PHF21A: variants seen among roughly 807,000 people sequenced by gnomAD.
PHF21A encodes PHD finger protein 21A, also known as BHC80a.
In PHF21A, 11 loss-of-function variants were observed where a neutral mutation model predicts 82.5. That is an observed-to-expected ratio of 0.13 (90% CI 0.08 to 0.22). PHF21A has a LOEUF of 0.22. PHF21A is among the 10% of genes least tolerant of loss of function. PHF21A has a pLI of 1.00. For missense variants in PHF21A, 579 were observed against 837.8 expected (o/e 0.69, Z 3.81); for synonymous variants, 297 against 302.8 (o/e 0.98, Z 0.20).
At chr11:46,048,456 T>A (rs1400915228) in intron 6 of PHF21A, among the ~76,000 whole-genome samples, 3 of 152,178 alleles carry the variant, frequency 2.0e-5, no homozygotes, top group Non-Finnish European at 4.4e-5. Flanking sequence ...TGAATAATGC[T>A]ATGAACATCC....
chr11:45,975,322 C>CAAAATAAAATAAAATAAAATAAAAT (rs58576083), intron 7 of PHF21A, among the ~76,000 whole-genome samples: 5 of 112,092 alleles, frequency 4.5e-5, no homozygotes, highest in African/African-American at 1.6e-4. Context: ...TCAAAGAAAA[C>CAAAATAAAATAAAATAAAATAAAAT]AAAATAAAAT....
At chr11:45,941,562 G>C (rs896009806) in intron 15 of PHF21A, among the ~76,000 whole-genome samples, 1 of 151,916 alleles carries the variant, frequency 6.6e-6, no homozygotes, top group South Asian at 2.1e-4. Flanking sequence ...AAAGAGTCTC[G>C]GGGACTCCCA....
chr11:46,091,828 T>C (rs1333790839), intron 2 of PHF21A, among the ~76,000 whole-genome samples: 9 of 14,302 alleles, frequency 6.3e-4, no homozygotes, highest in Admixed American at 1.9e-3. Flanking sequence ...ACTGGAGCTA[T>C]AGGCACACAC....
chr11:45,952,514 A>G (rs920808830), intron 11 of PHF21A, among the ~76,000 whole-genome samples: 1 of 152,238 alleles, frequency 6.6e-6, no homozygotes, highest in Admixed American at 6.5e-5. Flanking sequence ...TTCTCAGAGC[A>G]TAATACTTGT....
At chr11:46,097,832 C>T (rs1378368297) in intron 1 of PHF21A, among the ~76,000 whole-genome samples, 1 of 152,160 alleles carries the variant, frequency 6.6e-6, no homozygotes, top group Non-Finnish European at 1.5e-5. Context: ...CTAGAACACA[C>T]ACACACACAT....
chr11:46,102,240 C>T (rs2097105594), intron 1 of PHF21A, among the ~76,000 whole-genome samples: 1 of 152,230 alleles, frequency 6.6e-6, no homozygotes, highest in South Asian at 2.1e-4. Flanking sequence ...TGAGCCACTA[C>T]ACCTAACCAG....
At chr11:46,054,377 C>T (rs904411628) in intron 6 of PHF21A, among the ~76,000 whole-genome samples, 32 of 152,226 alleles carry the variant, frequency 2.1e-4, no homozygotes, top group African/African-American at 7.2e-4. Flanking sequence ...AATAAAAATG[C>T]TATGTCAAAT....
chr11:45,974,935 G>T (rs1416967741), intron 7 of PHF21A, among the ~76,000 whole-genome samples: 1 of 152,128 alleles, frequency 6.6e-6, no homozygotes, highest in Non-Finnish European at 1.5e-5. Context: ...GGCAAATACT[G>T]CCAATAGCAA....
chr11:46,014,755 C>T lies in PHF21A; in HGVS notation c.154-34789G>A, dbSNP rs1483119051. ...CAGCACTTTGGGAGGCCGAGGCGGG[C>T]GGATCACGAGGTCAGGAGATCGAGA... On this transcript the variant is annotated intron_variant, in intron 6 of 18. Coordinates refer to ENST00000676320, the MANE Select transcript of PHF21A (RefSeq NM_001352027.3). Among the ~76,000 whole-genome samples the T allele has an allele frequency of 6.2e-5, 3 of 48,072 alleles. 1 individual carries two copies. Among genetic ancestry groups the T allele is most frequent in the Non-Finnish European group, 9.9e-5 (3 of 30,198 alleles). The allele number at this position is 48,072 out of a possible 152,430, so 31.5% of individuals were successfully genotyped here.
chr11:45,964,569 C>A (rs1276556735), intron 10 of PHF21A, among the ~76,000 whole-genome samples: 1 of 152,164 alleles, frequency 6.6e-6, no homozygotes, highest in Non-Finnish European at 1.5e-5. Flanking sequence ...CTTTTTAAAG[C>A]AACTTTCTTG....
At chr11:46,036,650 T>C (rs2096010069) in intron 6 of PHF21A, among the ~76,000 whole-genome samples, 1 of 152,138 alleles carries the variant, frequency 6.6e-6, no homozygotes, top group African/African-American at 2.4e-5. Context: ...TTTTAAAAGG[T>C]TTCTTGCTTT....
chr11:46,120,059 CAGA>C lies in PHF21A; in HGVS notation c.-237+873_-237+875del, dbSNP rs1430776963. Among the ~76,000 whole-genome samples the C allele has an allele frequency of 4.7e-5, 7 of 149,298 alleles. No individual in the cohort carries two copies. In the South Asian group the frequency reaches 6.3e-4, roughly 13 times the overall value. On this transcript the variant is annotated intron_variant, in intron 1 of 18. Coordinates refer to ENST00000676320, the MANE Select transcript of PHF21A (RefSeq NM_001352027.3). ...GCAGACTCTCCGGAATAACAAGTTGCAGAAGAAGAAGAATAAGCGGAATTTCCC... is the reference window on the plus strand; with the variant it reads ...GCAGACTCTCCGGAATAACAAGTTGCAGAAGAAGAATAAGCGGAATTTCCC...
At chr11:46,016,762 G>A (rs768002546) in intron 6 of PHF21A, among the ~76,000 whole-genome samples, 9 of 151,746 alleles carry the variant, frequency 5.9e-5, no homozygotes, top group Non-Finnish European at 1.0e-4. Flanking sequence ...CTGGAGCTTG[G>A]CAGCCCTCAG....
At chr11:45,972,759 C>A (rs1054805060) in intron 7 of PHF21A, among the ~76,000 whole-genome samples, 1 of 152,156 alleles carries the variant, frequency 6.6e-6, no homozygotes, top group African/African-American at 2.4e-5. Context: ...ACTAAAAATA[C>A]AAAAATCAGC....
chr11:46,059,088 A>C (rs901700017), intron 6 of PHF21A, among the ~76,000 whole-genome samples: 5 of 152,214 alleles, frequency 3.3e-5, no homozygotes, highest in Non-Finnish European at 7.3e-5. Flanking sequence ...ATACATACCA[A>C]AGAAAGTTAT....
In PHF21A at chr11:46,078,060, C is replaced by T. The variant is rs141886876; in HGVS notation, c.87+1074G>A. Among the ~76,000 whole-genome samples, 1,121 of 152,040 alleles carry T rather than the reference C, an allele frequency of 7.4e-3. 11 individuals are homozygous for T. Among genetic ancestry groups the T allele is most frequent in the African/African-American group, 0.026 (1,068 of 41,458 alleles). On this transcript the variant is annotated intron_variant, in intron 5 of 18. Transcript: ENST00000676320. Reference sequence around the variant, plus strand: ...CTGAGTAGCTGGCCTTACAAGGCACCCATCACCATGCCTGGCTAATTTTTG... The same window carrying T: ...CTGAGTAGCTGGCCTTACAAGGCACTCATCACCATGCCTGGCTAATTTTTG...
At chr11:46,053,573 C>T (rs958116569) in intron 6 of PHF21A, among the ~76,000 whole-genome samples, 1 of 151,810 alleles carries the variant, frequency 6.6e-6, no homozygotes, top group Non-Finnish European at 1.5e-5. Flanking sequence ...GTAAAAAGAA[C>T]CCCATGGCTC....
chr11:45,951,444 T>C (rs1344634403), intron 11 of PHF21A, among the ~76,000 whole-genome samples: 1 of 152,240 alleles, frequency 6.6e-6, no homozygotes, highest in East Asian at 1.9e-4. Flanking sequence ...TTATATTATT[T>C]CTTATTTCAA....
intron 6 of PHF21A, among the ~76,000 whole-genome samples, chr11:46,072,026 T>C (rs767189862): frequency 2.0e-5 from 3 of 152,174 alleles, no homozygotes; most frequent in Non-Finnish European, 2.9e-5. Context: ...TTATACTAAA[T>C]ATTATACTAG....
Sources: allele counts gnomAD v4.1 joint callset (sites outside exome capture counted in the v4.1 genomes callset), GRCh38; gene constraint gnomAD v4.1.1; transcripts MANE v1.5; gene names NCBI Gene and HGNC (gene_info 2026-07-23, HGNC 2026-07-21).